The following SESN2 variants were observed in gnomAD, a reference collection of about 807,000 sequenced individuals.
The protein encoded by SESN2 is sestrin 2, also known as sestrin-2.
In SESN2, 42 loss-of-function variants were observed where a neutral mutation model predicts 56.0. The observed-to-expected ratio is 0.75, with a 90% CI of 0.59 to 0.97. The LOEUF (loss-of-function observed/expected upper bound fraction) is 0.97. Ranked by LOEUF, SESN2 falls within the 50% of genes least tolerant of loss-of-function variation. The pLI, the probability that SESN2 is intolerant of heterozygous loss-of-function variation, is 0.00. For synonymous variants in SESN2, 264 were observed against 267.1 expected (o/e 0.99, Z 0.11); for missense variants, 507 against 649.4 (o/e 0.78, Z 2.38).
intron 1 of SESN2, among the ~76,000 whole-genome samples, chr1:28,266,826 G>A (rs1647575495): frequency 6.6e-6 from 1 of 152,140 alleles, no homozygotes; most frequent in African/African-American, 2.4e-5. Flanking sequence ...CCAACGTGCT[G>A]GGATGAGCTG....
intron 3 of SESN2, 133 bp from the exon 4 acceptor site, chr1:28,272,151 G>A: frequency 1.0e-6 from 1 of 955,512 alleles, no homozygotes; most frequent in South Asian, 1.6e-5. Context: ...GCAGAGCTGG[G>A]GTTACTTAGA....
Position 28,259,923 on chromosome 1 carries a change from T to A in SESN2, c.76T>A (p.Ser26Thr), listed in dbSNP as rs770447335. Residue 26 changes from serine (S) to threonine (T), a missense_variant, in exon 1 of 10, where the codon TCG becomes ACG. By Grantham distance (58) the Ser-to-Thr change is moderately conservative (BLOSUM62 1). Coordinates refer to ENST00000253063, the MANE Select transcript of SESN2 (RefSeq NM_031459.5). ...LRFAPGGVGD[S>T]GPGEEQRESR... Reference sequence around the variant, plus strand: ...GTTCGCCCCGGGCGGCGTCGGCGACTCGGGCCCCGGAGAGGTAAGCGGCGG... The same window carrying A: ...GTTCGCCCCGGGCGGCGTCGGCGACACGGGCCCCGGAGAGGTAAGCGGCGG... The A allele has an allele frequency of 4.3e-5, 64 of 1,483,588 alleles. No individual in the cohort carries two copies. Among genetic ancestry groups the A allele is most frequent in the Non-Finnish European group, 5.7e-5 (64 of 1,122,962 alleles). The allele number at this position is 1,483,588 out of a possible 1,614,324, so 91.9% of individuals were successfully genotyped here. A position where few individuals can be genotyped will look rare whatever the true frequency, so the allele number is the denominator to read the frequency against.
At chr1:28,271,485 TATATA>T (rs1284195801) in intron 2 of SESN2, among the ~76,000 whole-genome samples, 184 bp from the exon 3 acceptor site, 7 of 152,212 alleles carry the variant, frequency 4.6e-5, no homozygotes, top group African/African-American at 1.7e-4. Flanking sequence ...TGGCCATTAT[TATATA>T]AGGTACCTAA....
At chr1:28,273,974 T>G (rs1647918728) in intron 6 of SESN2, 66 bp from the exon 7 acceptor site, 2 of 1,051,700 alleles carry the variant, frequency 1.9e-6, no homozygotes, top group Admixed American at 1.8e-5. Flanking sequence ...TTTTGGTGAT[T>G]AATCAGGAAT....
Position 28,272,402 on chromosome 1 carries a change from A to G in SESN2, c.473A>G (p.Lys158Arg). The G allele has an allele frequency of 6.2e-7, 1 of 1,613,510 alleles. No homozygotes were observed. The highest frequency in any genetic ancestry group is 8.5e-7 in the Non-Finnish European group (1 of 1,179,978). ...GLHRAPEKLR[K>R]LSEINKLLAH... The stretch of plus-strand genomic sequence containing the variant: ...CACCGGGCCCCCGAGAAGCTGCGCA[A>G]ACTCAGCGAGATCAACAAGTTGCTG... Residue 158 changes from lysine to arginine, a missense_variant, in exon 4 of 10, where the codon AAA (lysine) becomes AGA (arginine). By Grantham distance (26) the Lys-to-Arg change is conservative. Transcript: ENST00000253063.
intron 1 of SESN2, among the ~76,000 whole-genome samples, chr1:28,265,276 G>A (rs914299477): frequency 7.9e-5 from 12 of 152,326 alleles, no homozygotes; most frequent in African/African-American, 2.9e-4. Flanking sequence ...CCTCTGTCAG[G>A]ATCGGGGAAG....
intron 1 of SESN2, among the ~76,000 whole-genome samples, chr1:28,268,547 C>A (rs913690197): frequency 3.3e-5 from 5 of 151,936 alleles, no homozygotes; most frequent in Admixed American, 6.6e-5. Flanking sequence ...TGCCTGTAAT[C>A]CCAGCTACTC....
chr1:28,276,356 A>G (rs962083673), intron 8 of SESN2, among the ~76,000 whole-genome samples: 2 of 151,290 alleles, frequency 1.3e-5, no homozygotes, highest in African/African-American at 2.4e-5. Flanking sequence ...GTGCATGCCT[A>G]TAGTCCCAGG....
At chr1:28,261,132 T>C (rs1030837888) in intron 1 of SESN2, among the ~76,000 whole-genome samples, 3 of 152,158 alleles carry the variant, frequency 2.0e-5, no homozygotes, top group Admixed American at 2.0e-4. Context: ...GGTGGAGTGC[T>C]ATGACCCCAG....
intron 8 of SESN2, among the ~76,000 whole-genome samples, chr1:28,277,680 C>T (rs939499709): frequency 6.6e-6 from 1 of 152,140 alleles, no homozygotes; most frequent in East Asian, 1.9e-4. Context: ...TCTCACTTAA[C>T]AGTTTATACC....
At chr1:28,279,071 A>C (rs1370743277) in intron 8 of SESN2, 26 bp from the exon 9 acceptor site, 1 of 1,613,046 alleles carries the variant, frequency 6.2e-7, no homozygotes, top group South Asian at 1.1e-5. Context: ...AAGCATGAGT[A>C]ATGCTGCTGG....
chr1:28,280,882 C>T lies in SESN2; in HGVS notation c.*80C>T. 1.9e-6 allele frequency: 2 copies of T among 1,033,486 alleles called. No homozygotes were observed. Among genetic ancestry groups the T allele is most frequent in the Admixed American group, 1.7e-5 (1 of 57,350 alleles). 64.0% of individuals were successfully genotyped at this position (1,033,486 alleles called of 1,614,324 possible). On this transcript the variant is annotated 3_prime_UTR_variant, in exon 10 of 10. Transcript: ENST00000253063. The stretch of plus-strand genomic sequence containing the variant: ...GAGACAGCCCCAGACCCTTTTGTGT[C>T]CCATGCCCACCCTCCCCACGCTGCA...
At chr1:28,267,042 C>G (rs541884605) in intron 1 of SESN2, among the ~76,000 whole-genome samples, 1 of 152,166 alleles carries the variant, frequency 6.6e-6, no homozygotes, top group Non-Finnish European at 1.5e-5. Flanking sequence ...CTGCCTCCCC[C>G]AGTTTTGCTC....
chr1:28,279,346 C>T lies in SESN2; in HGVS notation c.1356+105C>T, dbSNP rs546201634. ...GAGTCCCCAGACTGAGTCTGTCCTG[C>T]TAGGTGGGACACCTGGGCCTATTCC... On this transcript the variant is annotated intron_variant, in intron 9 of 9. Coordinates refer to ENST00000253063, the MANE Select transcript of SESN2 (RefSeq NM_031459.5). The T allele has an allele frequency of 1.0e-5, 12 of 1,153,234 alleles. No homozygotes were observed. The African/African-American group carries it at 1.8e-4, about 18-fold the overall frequency. 71.4% of individuals were successfully genotyped at this position (1,153,234 alleles called of 1,614,324 possible).
intron 1 of SESN2, among the ~76,000 whole-genome samples, chr1:28,261,228 C>G (rs1647366478): frequency 6.6e-6 from 1 of 152,146 alleles, no homozygotes; most frequent in Non-Finnish European, 1.5e-5. Flanking sequence ...TTTTTGTTAG[C>G]TTGCTTACCC....
chr1:28,274,075 C>T lies in SESN2; in HGVS notation c.937C>T (p.Leu313=). 6.2e-7 allele frequency: 1 copy of T among 1,614,046 alleles called. No homozygotes were observed. The highest frequency in any genetic ancestry group is 8.5e-7 in the Non-Finnish European group (1 of 1,179,922). ...ILEPSPHPDM[L]CFVEDPTFGY... is the part of the protein sequence containing the mutation. Reference sequence around the variant, plus strand: ...GGAGCCCTCTCCACACCCAGACATGCTGTGCTTTGTGGAAGACCCTACTTT... The same window carrying T: ...GGAGCCCTCTCCACACCCAGACATGTTGTGCTTTGTGGAAGACCCTACTTT... The change falls in exon 7 of 10, where the codon CTG becomes TTG. Residue 313 remains leucine, a synonymous_variant. Transcript: ENST00000253063.
At chr1:28,264,524 G>A (rs908009912) in intron 1 of SESN2, among the ~76,000 whole-genome samples, 1 of 150,942 alleles carries the variant, frequency 6.6e-6, no homozygotes, top group Non-Finnish European at 1.5e-5. Context: ...CACACTAGCT[G>A]TTATTTTGGA....
rs1421413970 is a variant in SESN2, at chr1:28,280,999, G to T, written c.*197G>T. 1.8e-6 allele frequency: 1 copy of T among 544,022 alleles called. No homozygotes were observed. The highest frequency in any genetic ancestry group is 3.3e-6 in the Non-Finnish European group (1 of 303,680). 33.7% of individuals were successfully genotyped at this position (544,022 alleles called of 1,614,324 possible). The stretch of plus-strand genomic sequence containing the variant: ...TCATTGCACTGACTCTGGGATCTCA[G>T]CCCTGCTCCTGGGAGCTGGAAGAGC... On this transcript the variant is annotated 3_prime_UTR_variant, in exon 10 of 10. Transcript: ENST00000253063.
chr1:28,273,208 C>G, intron 5 of SESN2, 150 bp from the exon 6 acceptor site: 1 of 632,418 alleles, frequency 1.6e-6, no homozygotes, highest in South Asian at 2.9e-5. Flanking sequence ...AAGCACAGAC[C>G]CCATGTGCTG....
Sources: gnomAD v4.1 joint callset for allele counts (sites outside exome capture counted in the v4.1 genomes callset) on GRCh38, gnomAD v4.1.1 for gene constraint, MANE v1.5 for transcripts, NCBI Gene and HGNC (gene_info 2026-07-23, HGNC 2026-07-21) for gene names.